Variants in C16orf96 observed in about 807,000 individuals in gnomAD.
C16orf96 encodes the protein chromosome 16 open reading frame 96, also known as uncharacterized protein C16orf96.
C16orf96 carries 108 observed loss-of-function variants against 103.6 expected under a neutral mutation model. The ratio of observed to expected loss-of-function variants is 1.04; its 90% confidence interval spans 0.89 to 1.22. The LOEUF is 1.22. Ranked by LOEUF, C16orf96 falls within the 50% of genes most tolerant of loss-of-function variation. The pLI, the probability that C16orf96 is intolerant of heterozygous loss-of-function variation, is 0.00. For missense variants in C16orf96, 1,586 were observed against 1,464.2 expected, an observed-to-expected ratio of 1.08 and a Z score of -1.36; for synonymous variants, 566 against 593.5, an observed-to-expected ratio of 0.95 and a Z score of 0.67.
chr16:4,569,831 A>G (rs955891015), intron 1 of C16orf96, among the ~76,000 whole-genome samples: 2 of 152,098 alleles, frequency 1.3e-5, no homozygotes, highest in Non-Finnish European at 2.9e-5. Flanking sequence ...CCCTTATAGG[A>G]CTTTCACCTG....
Position 4,587,081 on chromosome 16 carries a change from A to T in C16orf96, c.2395A>T (p.Asn799Tyr). The T allele has an allele frequency of 6.4e-7, 1 of 1,551,650 alleles. No homozygotes were observed. The highest frequency in any genetic ancestry group is 8.7e-7 in the Non-Finnish European group (1 of 1,146,956). ...CAAAAGACTGGAAATGAACAAGGTG[A>T]ATAAGAGCACGATGGAGGAGGAGCT... is the stretch of plus-strand genomic sequence containing the variant. ...QIKRLEMNKV[N>Y]KSTMEEELRE... Residue 799 changes from asparagine to tyrosine, a missense_variant, in exon 8 of 16, where the codon AAT becomes TAT. Physicochemically the swap from Asn to Tyr is moderately radical, Grantham distance 143 (BLOSUM62 -2). Coordinates refer to ENST00000444310, the MANE Select transcript of C16orf96 (RefSeq NM_001145011.2).
In C16orf96 at chr16:4,576,620, C is replaced by T. The variant is rs554716380; in HGVS notation, c.2140C>T (p.Arg714Cys). 1.0e-5 allele frequency: 16 copies of T among 1,550,846 alleles called. No homozygotes were observed. Among genetic ancestry groups the T allele is most frequent in the Middle Eastern group, 1.7e-4 (1 of 5,988 alleles). The part of the protein sequence containing the change: ...FAQLSCNLNQ[R>C]LSYLANMGGP... Reference sequence around the variant, plus strand: ...CCAGCTGTCCTGTAACCTGAACCAGCGCTTGAGTTATCTAGGTAGGCCTGG... The same window carrying T: ...CCAGCTGTCCTGTAACCTGAACCAGTGCTTGAGTTATCTAGGTAGGCCTGG... Residue 714 changes from arginine to cysteine, a missense_variant, in exon 5 of 16, where the codon CGC (arginine) becomes TGC (cysteine). Transcript: ENST00000444310.
At chr16:4,542,890 G>A in the C16orf96 span, among the ~76,000 whole-genome samples, 1 of 152,062 alleles carries the variant, frequency 6.6e-6, no homozygotes, top group East Asian at 1.9e-4. Flanking sequence ...TCTCAATTTG[G>A]AGCAGTCACA....
chr16:4,556,394 T>G lies in C16orf96; in HGVS notation c.-96T>G. The G allele has an allele frequency of 7.6e-7, 1 of 1,317,986 alleles. No homozygotes were observed. Among genetic ancestry groups the G allele is most frequent in the East Asian group, 2.5e-5 (1 of 39,276 alleles). 81.6% of individuals were successfully genotyped at this position (1,317,986 alleles called of 1,614,324 possible). A position where few individuals can be genotyped will look rare whatever the true frequency, so the allele number is the denominator to read the frequency against. Reference sequence around the variant, plus strand: ...GTGACTCACCACCACCCCAGGCCTCTGAGGACCAGTCCATGTAGCTCTCGG... The same window carrying G: ...GTGACTCACCACCACCCCAGGCCTCGGAGGACCAGTCCATGTAGCTCTCGG... On this transcript the variant is annotated 5_prime_UTR_variant, in exon 1 of 16. Transcript: ENST00000444310.
chr16:4,570,143 C>T (rs1299309166), intron 1 of C16orf96, among the ~76,000 whole-genome samples: 1 of 152,120 alleles, frequency 6.6e-6, no homozygotes, highest in Non-Finnish European at 1.5e-5. Flanking sequence ...GAGACGGGAT[C>T]TCACTATGTT....
At chr16:4,544,180 G>T in the C16orf96 span, among the ~76,000 whole-genome samples, 7 of 152,178 alleles carry the variant, frequency 4.6e-5, no homozygotes, top group African/African-American at 1.7e-4. Flanking sequence ...CTATGTACTG[G>T]GTGAAAACTT....
intron 7 of C16orf96, among the ~76,000 whole-genome samples, chr16:4,584,354 A>ATTTTT (rs71139648): frequency 1.1e-5 from 1 of 92,734 alleles, no homozygotes; most frequent in Non-Finnish European, 2.0e-5. Flanking sequence ...TGCCTGGCTA[A>ATTTTT]TTTTTTTTTT....
intron 6 of C16orf96, 71 bp downstream of exon 6, chr16:4,579,096 T>G (rs1259733575): frequency 3.8e-6 from 5 of 1,333,046 alleles, no homozygotes; most frequent in Non-Finnish European, 5.3e-6. Context: ...ACTCCTTGAC[T>G]CTGCCCCCCT....
chr16:4,556,958 T>G (rs1368612819), intron 1 of C16orf96, 49 bp downstream of exon 1: 1 of 1,487,712 alleles, frequency 6.7e-7, no homozygotes, highest in Non-Finnish European at 9.0e-7. Context: ...CACCACTGGC[T>G]CTCTCCTGGG....
chr16:4,591,740 T>G lies in C16orf96; in HGVS notation c.2667T>G (p.Ile889Met), dbSNP rs1897063882. ...GGAAAATCGTCCGGAAGCTGCTGAT[T>G]GAGGGCTTAAGACTGGATCCTGACA... ...EVWKIVRKLL[I>M]EGLRLDPDSA... Residue 889 changes from isoleucine (I) to methionine (M), a missense_variant, in exon 10 of 16, where the codon ATT (isoleucine) becomes ATG (methionine). Transcript: ENST00000444310. 1.9e-6 allele frequency: 3 copies of G among 1,551,548 alleles called. No individual in the cohort carries two copies. Among genetic ancestry groups the G allele is most frequent in the Non-Finnish European group, 2.6e-6 (3 of 1,146,994 alleles).
At position 4,593,267 on chromosome 16, in the gene C16orf96, C is replaced by CGGCCA; in HGVS notation, c.2820_2824dup (p.Ala942GlyfsTer16). 6.4e-7 allele frequency: 1 copy of CGGCCA among 1,550,936 alleles called. No homozygotes were observed. The highest frequency in any genetic ancestry group is 8.7e-7 in the Non-Finnish European group (1 of 1,146,858). On this transcript the variant is annotated frameshift_variant, in exon 12 of 16. Transcript: ENST00000444310. LOFTEE classifies it high-confidence loss of function. This position sits in a 1 kb window ranked among gnomAD's most constrained non-coding sequence, Gnocchi z 4.2. Reference sequence around the variant, plus strand: ...CAAAGCCCACCTGCTGTCCCGGCTGCGGCCAGCCAGCGCCAACAGCTGCGA... The same window carrying CGGCCA: ...CAAAGCCCACCTGCTGTCCCGGCTGCGGCCAGGCCAGCCAGCGCCAACAGCTGCGA...
Position 4,588,314 on chromosome 16 carries a change from A to G in C16orf96, c.2575A>G (p.Lys859Glu). 6.4e-7 allele frequency: 1 copy of G among 1,551,302 alleles called. No homozygotes were observed. Among genetic ancestry groups the G allele is most frequent in the South Asian group, 1.2e-5 (1 of 84,040 alleles). Residue 859 changes from lysine to glutamate, a missense_variant, in exon 9 of 16, where the codon AAG becomes GAG. Physicochemically the swap from Lys to Glu is moderately conservative, Grantham distance 56 (BLOSUM62 1). Transcript: ENST00000444310. ...GAAGAAGGCTATGGAGGAGCTCAGC[A>G]AGGACGTGAACACCAAGGTGAATGC... ...SWKKAMEELS[K>E]DVNTKLVHSD...
rs540055379 is a variant in C16orf96, at chr16:4,587,244, C to T, written c.2427+131C>T. 135 of 881,026 alleles carry T rather than the reference C, an allele frequency of 1.5e-4. No individual in the cohort carries two copies. In the African/African-American group the frequency reaches 2.0e-3, roughly 13 times the overall value. The allele number at this position is 881,026 out of a possible 1,614,324, so 54.6% of individuals were successfully genotyped here. Reference sequence around the variant, plus strand: ...TGTTCATATTGAAACCAGGAGTTGGCTGGGCGCAGTGGCTCATGCCTGTAA... The same window carrying T: ...TGTTCATATTGAAACCAGGAGTTGGTTGGGCGCAGTGGCTCATGCCTGTAA... On this transcript the variant is annotated intron_variant, in intron 8 of 15. Transcript: ENST00000444310.
intron 2 of C16orf96, among the ~76,000 whole-genome samples, chr16:4,573,815 T>C (rs1596523652): frequency 6.9e-6 from 1 of 144,022 alleles, no homozygotes; most frequent in Non-Finnish European, 1.5e-5. Context: ...CTCTTGGAGG[T>C]GTTTTTGTTG....
chr16:4,581,906 T>G (rs1036518057), intron 7 of C16orf96, among the ~76,000 whole-genome samples: 5 of 151,442 alleles, frequency 3.3e-5, no homozygotes, highest in African/African-American at 1.2e-4. Flanking sequence ...CAGTGAGCTG[T>G]GACTGCATCA....
intron 14 of C16orf96, 42 bp downstream of exon 14, chr16:4,594,845 C>G (rs1407703125): frequency 2.6e-6 from 4 of 1,537,842 alleles, no homozygotes; most frequent in Non-Finnish European, 3.5e-6. Flanking sequence ...TGCCTGGGGC[C>G]CTGGTTCTGC....
chr16:4,558,837 C>A (rs1315911362), intron 1 of C16orf96, among the ~76,000 whole-genome samples: 1 of 151,462 alleles, frequency 6.6e-6, no homozygotes. Flanking sequence ...ATCGCTTGAA[C>A]CCAGGAGGCG....
chr16:4,556,486 C>A lies in C16orf96; in HGVS notation c.-4C>A. ...CCCCAGCCCCACTGACCCACCCTGG[C>A]AGGATGAGCTTCTCACTCACGTTCA... On this transcript the variant is annotated 5_prime_UTR_variant, in exon 1 of 16. Coordinates refer to ENST00000444310, the MANE Select transcript of C16orf96 (RefSeq NM_001145011.2). The A allele has an allele frequency of 6.6e-7, 1 of 1,519,480 alleles. No homozygotes were observed. The highest frequency in any genetic ancestry group is 8.9e-7 in the Non-Finnish European group (1 of 1,126,576). The allele number at this position is 1,519,480 out of a possible 1,614,324, so 94.1% of individuals were successfully genotyped here. A position where few individuals can be genotyped will look rare whatever the true frequency, so the allele number is the denominator to read the frequency against.
At chr16:4,549,452 G>C in the C16orf96 span, among the ~76,000 whole-genome samples, 2 of 141,522 alleles carry the variant, frequency 1.4e-5, no homozygotes, top group South Asian at 2.3e-4. Context: ...CAGCCTGGGC[G>C]ACAGAGCAAG....
Sources: allele counts gnomAD v4.1 joint callset (sites outside exome capture counted in the v4.1 genomes callset), GRCh38; gene constraint gnomAD v4.1.1; non-coding constraint Gnocchi (gnomAD v3.1); transcripts MANE v1.5; gene names NCBI Gene and HGNC (gene_info 2026-07-23, HGNC 2026-07-21).